MEI4: variants seen among roughly 807,000 people sequenced by gnomAD.
MEI4 encodes the protein meiosis-specific protein MEI4.
A neutral mutation model predicts 31.4 loss-of-function variants in MEI4; 27 were observed. The ratio of observed to expected loss-of-function variants is 0.86; its 90% CI spans 0.63 to 1.19. The LOEUF is 1.19. MEI4 is among the 50% of genes most tolerant of loss of function. The probability of loss-of-function intolerance (pLI) is 0.00; values close to 1 mark genes in which losing one functional copy is unlikely to be tolerated. For missense variants in MEI4, 329 were observed against 398.9 expected (o/e 0.82, Z 1.49); for synonymous variants, 122 against 145.4 (o/e 0.84, Z 1.16).
rs1562043263 is a variant in MEI4, at chr6:77,925,886, A to G, written c.*2540A>G. Reference sequence around the variant, plus strand: ...TATACGATATGTATAATAAATACCAAATAGCCAGGTACTTACCTAAGCATT... The same window carrying G: ...TATACGATATGTATAATAAATACCAGATAGCCAGGTACTTACCTAAGCATT... On this transcript the variant is annotated 3_prime_UTR_variant, in exon 5 of 5. Coordinates refer to ENST00000684080, the MANE Select transcript of MEI4 (RefSeq NM_001322247.2). 1 of 150,742 alleles carries G rather than the reference A, an allele frequency of 6.6e-6. No homozygotes were observed. Among genetic ancestry groups the G allele is most frequent in the South Asian group, 2.1e-4 (1 of 4,818 alleles). 9.3% of individuals were successfully genotyped at this position (150,742 alleles called of 1,614,324 possible). A position where few individuals can be genotyped will look rare whatever the true frequency, so the allele number is the denominator to read the frequency against.
In MEI4 at chr6:77,794,314, A is replaced by T. The variant is rs1369994676; in HGVS notation, c.768+32649A>T. 2.0e-5 allele frequency among the ~76,000 whole-genome samples: 3 copies of T among 152,206 alleles called. No homozygotes were observed. In the East Asian group the frequency reaches 5.8e-4, roughly 29 times the overall value. ...CGCGGTGGCTGAAGCCTGTAATCCC[A>T]GCACTTTGGGAGGCCGAGGCGGGTG... On this transcript the variant is annotated intron_variant, in intron 3 of 4. Coordinates refer to ENST00000684080, the MANE Select transcript of MEI4 (RefSeq NM_001322247.2).
intron 3 of MEI4, among the ~76,000 whole-genome samples, chr6:77,812,613 A>G (rs1769600812): frequency 6.6e-6 from 1 of 152,134 alleles, no homozygotes; most frequent in African/African-American, 2.4e-5. Flanking sequence ...TGACTCCTTG[A>G]TGGTGGAGGG....
At chr6:77,813,275 C>T (rs1369404125) in intron 3 of MEI4, among the ~76,000 whole-genome samples, 2 of 152,066 alleles carry the variant, frequency 1.3e-5, no homozygotes, top group Non-Finnish European at 2.9e-5. Flanking sequence ...GTGACTGCAG[C>T]TATGAATGAG....
chr6:77,745,383 A>T (rs576278886), intron 2 of MEI4, among the ~76,000 whole-genome samples: 3 of 152,342 alleles, frequency 2.0e-5, no homozygotes, highest in East Asian at 3.9e-4. Flanking sequence ...AGGCCATTAC[A>T]TAATGGTAAA....
intron 4 of MEI4, among the ~76,000 whole-genome samples, chr6:77,865,265 A>C (rs1457010821): frequency 6.6e-6 from 1 of 152,260 alleles, no homozygotes; most frequent in Non-Finnish European, 1.5e-5. Context: ...GACACAAAAA[A>C]CCCTTCAAAA....
chr6:77,860,432 C>T (rs1770838446), intron 4 of MEI4, among the ~76,000 whole-genome samples: 1 of 152,134 alleles, frequency 6.6e-6, no homozygotes, highest in South Asian at 2.1e-4. Flanking sequence ...AACCTATTCA[C>T]ACTCAGATAA....
At chr6:77,664,282 G>A (rs1218891847) in intron 1 of MEI4, among the ~76,000 whole-genome samples, 3 of 152,154 alleles carry the variant, frequency 2.0e-5, no homozygotes, top group Non-Finnish European at 4.4e-5. Context: ...GAATAAGACG[G>A]CCTTTTGACT....
At chr6:77,799,385 G>T (rs1769180464) in intron 3 of MEI4, among the ~76,000 whole-genome samples, 1 of 152,142 alleles carries the variant, frequency 6.6e-6, no homozygotes, top group Non-Finnish European at 1.5e-5. Flanking sequence ...TGTAGATTCT[G>T]GATATTAGCC....
chr6:77,851,043 T>C (rs1300989713), intron 4 of MEI4, among the ~76,000 whole-genome samples: 1 of 152,124 alleles, frequency 6.6e-6, no homozygotes, highest in Non-Finnish European at 1.5e-5. Flanking sequence ...AAAATGCTCA[T>C]CATCACTGGC....
intron 2 of MEI4, among the ~76,000 whole-genome samples, chr6:77,758,853 A>G (rs767993524): frequency 2.0e-5 from 3 of 152,078 alleles, no homozygotes; most frequent in Non-Finnish European, 2.9e-5. Context: ...TGCAGTTGCT[A>G]TCCATTTTAT....
chr6:77,707,662 A>G (rs1413100730), intron 2 of MEI4, among the ~76,000 whole-genome samples: 4 of 152,232 alleles, frequency 2.6e-5, no homozygotes, highest in South Asian at 2.1e-4. Flanking sequence ...AGCCCCTTCC[A>G]TCACAGGCCC....
At chr6:77,752,802 C>T (rs913788662) in intron 2 of MEI4, among the ~76,000 whole-genome samples, 11 of 149,498 alleles carry the variant, frequency 7.4e-5, no homozygotes, top group Admixed American at 4.0e-4. Context: ...ATAGCCAAGA[C>T]AATCCTAAGC....
At position 77,750,635 on chromosome 6, in the gene MEI4, C is replaced by T. The variant is rs539403191; in HGVS notation, c.233-10495C>T. Reference sequence around the variant, plus strand: ...AGTCATAAAGCAAGTTCTTAGCGACCTACAAAGAGACTTAGACTCCCACAC... The same window carrying T: ...AGTCATAAAGCAAGTTCTTAGCGACTTACAAAGAGACTTAGACTCCCACAC... On this transcript the variant is annotated intron_variant, in intron 2 of 4. Transcript: ENST00000684080. Among the ~76,000 whole-genome samples the T allele has an allele frequency of 6.6e-5, 10 of 152,224 alleles. No individual in the cohort carries two copies. In the South Asian group the frequency reaches 1.7e-3, roughly 25 times the overall value.
In MEI4 at chr6:77,761,491, C is replaced by T; in HGVS notation, c.594C>T (p.Tyr198=). Residue 198 remains tyrosine (Y), a synonymous_variant, in exon 3 of 5, where the codon TAC becomes TAT. Transcript: ENST00000684080. ...FQLLDGLITF[Y]RNPKLPFSRF... is the part of the protein sequence containing the mutation. ...TGCTGGATGGCCTGATCACTTTTTA[C>T]CGTAATCCCAAACTTCCTTTTTCAA... 1 of 1,232,130 alleles carries T rather than the reference C, an allele frequency of 8.1e-7. No individual in the cohort carries two copies. The highest frequency in any genetic ancestry group is 1.0e-6 in the Non-Finnish European group (1 of 987,920). The allele number at this position is 1,232,130 out of a possible 1,614,324, so 76.3% of individuals were successfully genotyped here.
At chr6:77,922,882 G>A (rs1016782647) in intron 4 of MEI4, among the ~76,000 whole-genome samples, 5 of 151,662 alleles carry the variant, frequency 3.3e-5, no homozygotes, top group African/African-American at 1.2e-4. Context: ...GAAACAGCAA[G>A]AAAGAAAAGT....
At chr6:77,732,959 G>A (rs889332325) in intron 2 of MEI4, among the ~76,000 whole-genome samples, 9 of 151,088 alleles carry the variant, frequency 6.0e-5, no homozygotes, top group Non-Finnish European at 1.0e-4. Context: ...AACCAGCCTT[G>A]CATCCCAGGG....
At chr6:77,780,345 G>A (rs763909899) in intron 3 of MEI4, among the ~76,000 whole-genome samples, 61 of 152,084 alleles carry the variant, frequency 4.0e-4, no homozygotes, top group Non-Finnish European at 5.4e-4. Context: ...GGGGGAGGGT[G>A]ATCAGATTAA....
intron 2 of MEI4, among the ~76,000 whole-genome samples, chr6:77,757,990 T>C (rs1293390956): frequency 1.3e-5 from 2 of 151,856 alleles, no homozygotes; most frequent in Admixed American, 6.6e-5. Flanking sequence ...ACCCTGTCTG[T>C]ACTAAAAATA....
chr6:77,835,773 A>G (rs1011947920), intron 4 of MEI4, among the ~76,000 whole-genome samples: 2 of 152,072 alleles, frequency 1.3e-5, no homozygotes, highest in Non-Finnish European at 2.9e-5. Flanking sequence ...ATAAATTTCT[A>G]TTTTAAAATA....
Sources: gnomAD v4.1 joint callset for allele counts (sites outside exome capture counted in the v4.1 genomes callset) on GRCh38, gnomAD v4.1.1 for gene constraint, MANE v1.5 for transcripts, NCBI Gene and HGNC (gene_info 2026-07-23, HGNC 2026-07-21) for gene names.